The following MACROD2 variants were observed in gnomAD, a reference collection of about 807,000 sequenced individuals.
MACROD2 encodes the protein ADP-ribose glycohydrolase MACROD2.
In MACROD2, 36 loss-of-function variants were observed where a neutral mutation model predicts 70.4. The observed-to-expected ratio is 0.51, with a 90% confidence interval of 0.39 to 0.68. The LOEUF is 0.68. MACROD2 is among the 30% of genes least tolerant of loss of function. The pLI, the probability that MACROD2 is intolerant of heterozygous loss-of-function variation, is 0.00. For synonymous variants in MACROD2, 172 were observed against 178.8 expected (o/e 0.96, Z 0.30); for missense variants, 496 against 538.4 (o/e 0.92, Z 0.78).
At chr20:14,016,948 T>G (rs1422232292) in intron 2 of MACROD2, among the ~76,000 whole-genome samples, 1 of 152,148 alleles carries the variant, frequency 6.6e-6, no homozygotes, top group Non-Finnish European at 1.5e-5. Flanking sequence ...TGTTGTCATC[T>G]TCACAATATT....
At chr20:14,026,845 TG>T (rs1014797257) in intron 2 of MACROD2, among the ~76,000 whole-genome samples, 1 of 152,132 alleles carries the variant, frequency 6.6e-6, no homozygotes, top group African/African-American at 2.4e-5. Context: ...TAAGAGCACC[TG>T]GGGGAAGGGG....
In MACROD2 at chr20:14,647,794, A is replaced by G. The variant is rs1772101523; in HGVS notation, c.302-37049A>G. On this transcript the variant is annotated intron_variant, in intron 4 of 17. Coordinates refer to ENST00000684519, the MANE Select transcript of MACROD2 (RefSeq NM_001351661.2). ...CATGATCTGCAAGGAACTTCCCATG[A>G]TTCAGGCACCACTATTCCTGTTCAT... Among the ~76,000 whole-genome samples the G allele has an allele frequency of 3.3e-5, 5 of 152,140 alleles. No individual in the cohort carries two copies. The South Asian group carries it at 1.0e-3, about 31-fold the overall frequency.
chr20:15,926,068 A>G (rs763372427), intron 10 of MACROD2, among the ~76,000 whole-genome samples: 3 of 152,196 alleles, frequency 2.0e-5, no homozygotes, highest in Non-Finnish European at 4.4e-5. Context: ...GGAGAACTAT[A>G]TTGTAACGAG....
intron 5 of MACROD2, among the ~76,000 whole-genome samples, chr20:14,849,307 T>TA (rs2073174007): frequency 6.6e-6 from 1 of 152,216 alleles, no homozygotes; most frequent in African/African-American, 2.4e-5. Context: ...ATTCAGGTTT[T>TA]ACCCCTCACC....
At chr20:15,227,956 C>T (rs1031556753) in intron 5 of MACROD2, among the ~76,000 whole-genome samples, 41 of 149,230 alleles carry the variant, frequency 2.7e-4, no homozygotes, top group African/African-American at 9.9e-4. Context: ...CATTTGTATC[C>T]ATCAGAAAAC....
intron 6 of MACROD2, among the ~76,000 whole-genome samples, chr20:15,397,656 T>A: frequency 6.6e-6 from 1 of 152,152 alleles, no homozygotes; most frequent in East Asian, 1.9e-4. Flanking sequence ...TCAAGGTAGA[T>A]CTTAGAAGTG....
chr20:14,691,332 C>T (rs2071061366), intron 5 of MACROD2, among the ~76,000 whole-genome samples: 1 of 152,184 alleles, frequency 6.6e-6, no homozygotes, highest in Non-Finnish European at 1.5e-5. Context: ...GACTAAAATA[C>T]CTACCCTCTA....
chr20:15,902,959 C>T (rs1424132142), intron 10 of MACROD2, among the ~76,000 whole-genome samples: 5 of 151,908 alleles, frequency 3.3e-5, no homozygotes, highest in African/African-American at 1.2e-4. Flanking sequence ...TAGGAGACAG[C>T]TGGGTTGGGT....
chr20:15,767,226 G>A (rs942900901), intron 8 of MACROD2, among the ~76,000 whole-genome samples: 1 of 152,204 alleles, frequency 6.6e-6, no homozygotes, highest in African/African-American at 2.4e-5. Context: ...TCAAAAACTT[G>A]TATAGATCAT....
At chr20:14,166,344 T>TTG (rs1229559434) in intron 3 of MACROD2, among the ~76,000 whole-genome samples, 8 of 151,116 alleles carry the variant, frequency 5.3e-5, no homozygotes, top group African/African-American at 1.5e-4. Context: ...TGTGTGTGTG[T>TTG]TGTGTGTGTG....
intron 5 of MACROD2, among the ~76,000 whole-genome samples, chr20:15,074,047 C>T (rs562210166): frequency 2.6e-5 from 4 of 152,166 alleles, no homozygotes; most frequent in South Asian, 2.1e-4. Context: ...CAAAATCCAA[C>T]GTATTCCAGT....
At chr20:14,466,695 T>G (rs2084454907) in intron 3 of MACROD2, among the ~76,000 whole-genome samples, 1 of 152,230 alleles carries the variant, frequency 6.6e-6, no homozygotes, top group South Asian at 2.1e-4. Context: ...ATGATGGTGA[T>G]GTACAGATGG....
intron 6 of MACROD2, among the ~76,000 whole-genome samples, chr20:15,353,314 A>C (rs2078248863): frequency 6.6e-6 from 1 of 152,228 alleles, no homozygotes; most frequent in South Asian, 2.1e-4. Context: ...AGAAAGCTGA[A>C]ACTGGATCCC....
chr20:15,461,006 A>ATATATTTTT, intron 7 of MACROD2, among the ~76,000 whole-genome samples: 24 of 67,016 alleles, frequency 3.6e-4, no homozygotes, highest in African/African-American at 9.3e-4. Flanking sequence ...ATATATATAT[A>ATATATTTTT]TTTTTTTTTA....
At chr20:15,960,419 G>A (rs2066042992) in intron 12 of MACROD2, among the ~76,000 whole-genome samples, 1 of 152,216 alleles carries the variant, frequency 6.6e-6, no homozygotes, top group Admixed American at 6.5e-5. Context: ...TCTCATATTT[G>A]CTACTAAGTG....
At chr20:14,005,688 C>T (rs2052807430) in intron 2 of MACROD2, among the ~76,000 whole-genome samples, 1 of 152,046 alleles carries the variant, frequency 6.6e-6, no homozygotes, top group African/African-American at 2.4e-5. Flanking sequence ...CTACAACCTC[C>T]ACCTCCTGGC....
chr20:15,825,870 GA>G (rs35529945), intron 8 of MACROD2, among the ~76,000 whole-genome samples: 5,531 of 152,154 alleles, frequency 0.036, 145 homozygotes, highest in South Asian at 0.066. Flanking sequence ...ACTGGAATAA[GA>G]AAAAGTTGAG....
At chr20:14,187,556 A>G (rs2081355012) in intron 3 of MACROD2, among the ~76,000 whole-genome samples, 1 of 152,216 alleles carries the variant, frequency 6.6e-6, no homozygotes, top group African/African-American at 2.4e-5. Context: ...AGAAAAATCA[A>G]CAAAGGACAT....
intron 2 of MACROD2, among the ~76,000 whole-genome samples, chr20:14,067,806 C>G (rs1252171631): frequency 6.6e-6 from 1 of 152,146 alleles, no homozygotes; most frequent in Non-Finnish European, 1.5e-5. Context: ...CCTTGTGAGG[C>G]TGATTCTTAT....
Sources: gnomAD v4.1 joint callset for allele counts (sites outside exome capture counted in the v4.1 genomes callset) on GRCh38, gnomAD v4.1.1 for gene constraint, MANE v1.5 for transcripts, NCBI Gene and HGNC (gene_info 2026-07-23, HGNC 2026-07-21) for gene names.